Variants in CAPN2 observed in about 807,000 individuals in gnomAD.
CAPN2 encodes calpain 2.
A neutral mutation model predicts 102.3 loss-of-function variants in CAPN2; 92 were observed. The ratio of observed to expected loss-of-function variants is 0.90; its 90% CI spans 0.76 to 1.07. The LOEUF is 1.07. Ranked by LOEUF, CAPN2 falls within the 50% of genes least tolerant of loss-of-function variation. The probability of loss-of-function intolerance (pLI) is 0.00; values close to 1 mark genes in which losing one functional copy is unlikely to be tolerated. For synonymous variants in CAPN2, 340 were observed against 355.4 expected (o/e 0.96, Z 0.49); for missense variants, 800 against 909.4 (o/e 0.88, Z 1.55).
intron 5 of CAPN2, among the ~76,000 whole-genome samples, chr1:223,748,259 A>G (rs531275878): frequency 6.6e-6 from 1 of 152,220 alleles, no homozygotes; most frequent in South Asian, 2.1e-4. Context: ...GCTGTGCCCA[A>G]CCTCTGAGCC....
rs1370371120 is a variant in CAPN2 at position 223,757,360 on chromosome 1, AT to A, written c.1306-5del. 2.5e-6 allele frequency: 4 copies of A among 1,614,086 alleles called. No individual in the cohort carries two copies. Among genetic ancestry groups the A allele is most frequent in the Middle Eastern group, 1.6e-4 (1 of 6,062 alleles). The stretch of plus-strand genomic sequence containing the variant: ...CCGGCATCTGAATTGCATCTCCTTT[AT>A]TTTGCAGGTTCCAGAGGAGGTACGT... On this transcript the variant is annotated splice_polypyrimidine_tract_variant and splice_region_variant and intron_variant, in intron 10 of 20. Coordinates refer to ENST00000295006, the MANE Select transcript of CAPN2 (RefSeq NM_001748.5).
At chr1:223,770,218 G>A (rs2102816838) in intron 17 of CAPN2, 1 of 588,308 alleles carries the variant, frequency 1.7e-6, no homozygotes, top group African/African-American at 1.9e-5. Context: ...ACAAGAACAT[G>A]GACCTATGGG....
chr1:223,734,243 T>C (rs987162804), intron 2 of CAPN2, among the ~76,000 whole-genome samples: 3 of 151,792 alleles, frequency 2.0e-5, no homozygotes, highest in African/African-American at 7.3e-5. Flanking sequence ...CAAATGCTTT[T>C]GTATCTACAC....
intron 1 of CAPN2, among the ~76,000 whole-genome samples, chr1:223,716,190 G>A (rs974695154): frequency 2.6e-5 from 4 of 152,334 alleles, no homozygotes; most frequent in Non-Finnish European, 5.9e-5. Context: ...CTGAAGCATC[G>A]CTTAGATGCT....
chr1:223,766,849 A>G lies in CAPN2; in HGVS notation c.1755+418A>G, dbSNP rs186163282. Among the ~76,000 whole-genome samples the G allele has an allele frequency of 3.9e-3, 586 of 152,142 alleles. 1 individual carries two copies. The highest frequency in any genetic ancestry group is 4.8e-3 in the Non-Finnish European group (329 of 67,996). ...GTGGCGGGCACCTGTAATCCCAGCTACTCAGGAGGCTGAGGCAGGAGAATC... is the reference window on the plus strand; with the variant it reads ...GTGGCGGGCACCTGTAATCCCAGCTGCTCAGGAGGCTGAGGCAGGAGAATC... On this transcript the variant is annotated intron_variant, in intron 16 of 20. Transcript: ENST00000295006.
chr1:223,724,805 C>T (rs72749516), intron 2 of CAPN2, among the ~76,000 whole-genome samples: 2,423 of 151,612 alleles, frequency 0.016, 25 homozygotes, highest in Non-Finnish European at 0.025. Flanking sequence ...CCCATTTCCA[C>T]AAAAAAAAAT....
Position 223,759,294 on chromosome 1 carries a change from C to G in CAPN2, c.1342C>G (p.Leu448Val). ...EELSGQTNIH[L>V]SKNFFLTNRA... ...GTTAAGTGGGCAGACCAACATCCAC[C>G]TCAGCAAAAACTTCTTCCTGACGAA... Residue 448 changes from leucine to valine, a missense_variant, in exon 12 of 21, where the codon CTC becomes GTC. Physicochemically the swap from Leu to Val is conservative, Grantham distance 32 (BLOSUM62 1). Coordinates refer to ENST00000295006, the MANE Select transcript of CAPN2 (RefSeq NM_001748.5). This position sits in a 1 kb window ranked among gnomAD's most constrained non-coding sequence, Gnocchi z 4.6. 6.2e-7 allele frequency: 1 copy of G among 1,614,204 alleles called. No individual in the cohort carries two copies. The highest frequency in any genetic ancestry group is 8.5e-7 in the Non-Finnish European group (1 of 1,180,036).
At chr1:223,729,701 A>G (rs559236711) in intron 2 of CAPN2, among the ~76,000 whole-genome samples, 46 of 152,284 alleles carry the variant, frequency 3.0e-4, no homozygotes, top group African/African-American at 1.1e-3. Context: ...TTAAGTTACT[A>G]TCTAAAGACC....
Position 223,759,625 on chromosome 1 carries a change from G to A in CAPN2, c.1529+144G>A. The stretch of plus-strand genomic sequence containing the variant: ...TGCCCACCTCGAAGGACTAGTGTGG[G>A]GATTTGATGGATTGAGGAAGTTCTA... On this transcript the variant is annotated intron_variant, in intron 12 of 20. Coordinates refer to ENST00000295006, the MANE Select transcript of CAPN2 (RefSeq NM_001748.5). This position sits in a 1 kb window ranked among gnomAD's most constrained non-coding sequence, Gnocchi z 4.6. The A allele has an allele frequency of 1.6e-6, 1 of 639,722 alleles. No homozygotes were observed. 39.6% of individuals were successfully genotyped at this position (639,722 alleles called of 1,614,324 possible). A position where few individuals can be genotyped will look rare whatever the true frequency, so the allele number is the denominator to read the frequency against.
chr1:223,720,301 TTC>T (rs1660017732), intron 2 of CAPN2, among the ~76,000 whole-genome samples: 1 of 133,058 alleles, frequency 7.5e-6, no homozygotes, highest in Non-Finnish European at 1.5e-5. Context: ...CATCCTTATT[TTC>T]TCTCTTTCTC....
At chr1:223,704,684 A>G (rs1208113666) in intron 1 of CAPN2, among the ~76,000 whole-genome samples, 2 of 152,182 alleles carry the variant, frequency 1.3e-5, no homozygotes, top group African/African-American at 4.8e-5. Flanking sequence ...TCGGCCCTGC[A>G]ATAAGGTGGG....
At position 223,746,619 on chromosome 1, in the gene CAPN2, A is replaced by C. The variant is rs561228436; in HGVS notation, c.561-378A>C. Among the ~76,000 whole-genome samples, 27 of 151,994 alleles carry C rather than the reference A, an allele frequency of 1.8e-4. No individual in the cohort carries two copies. In the East Asian group the frequency reaches 5.0e-3, roughly 28 times the overall value. ...CAGCCTCCCAAGTAGCTGGGACTACAGGCATGCACCACCATGCCCAGCTAA... is the reference window on the plus strand; with the variant it reads ...CAGCCTCCCAAGTAGCTGGGACTACCGGCATGCACCACCATGCCCAGCTAA... On this transcript the variant is annotated intron_variant, in intron 4 of 20. Coordinates refer to ENST00000295006, the MANE Select transcript of CAPN2 (RefSeq NM_001748.5).
chr1:223,742,779 C>G (rs1660657134), intron 2 of CAPN2, among the ~76,000 whole-genome samples: 2 of 152,088 alleles, frequency 1.3e-5, no homozygotes, highest in Non-Finnish European at 2.9e-5. Context: ...CCTTGGCCTC[C>G]CAAAGTGTTG....
chr1:223,722,875 A>G (rs1474018773), intron 2 of CAPN2, among the ~76,000 whole-genome samples: 1 of 152,144 alleles, frequency 6.6e-6, no homozygotes, highest in South Asian at 2.1e-4. Context: ...CCGGGATCCC[A>G]TCCAGGACCC....
At chr1:223,743,139 C>A (rs774648509) in intron 2 of CAPN2, among the ~76,000 whole-genome samples, 1 of 152,188 alleles carries the variant, frequency 6.6e-6, no homozygotes, top group Non-Finnish European at 1.5e-5. Context: ...AGTGCTTACA[C>A]ACCTGCTCTC....
chr1:223,764,073 A>G (rs751535175), intron 14 of CAPN2, 77 bp from the exon 15 acceptor site: 29 of 1,137,312 alleles, frequency 2.5e-5, no homozygotes, highest in Non-Finnish European at 3.9e-5. Flanking sequence ...GGCCTACCTA[A>G]TGCACTGGTG....
chr1:223,758,582 G>A (rs951998546), intron 11 of CAPN2: 1 of 152,752 alleles, frequency 6.5e-6, no homozygotes, highest in Non-Finnish European at 1.5e-5. Flanking sequence ...GAACACTGTG[G>A]AAAGACTGGG....
At chr1:223,712,034 C>T (rs77566879), upstream of CAPN2, among the ~76,000 whole-genome samples, 2,307 of 152,236 alleles carry the variant, frequency 0.015, 61 homozygotes, top group African/African-American at 0.052. Context: ...ACATTGGGGA[C>T]GTCATTTAGC....
chr1:223,738,873 C>T (rs989637801), intron 2 of CAPN2, among the ~76,000 whole-genome samples: 2 of 152,256 alleles, frequency 1.3e-5, no homozygotes, highest in Non-Finnish European at 2.9e-5. Context: ...GACACAGCCA[C>T]ATGGAGCCGA....
Sources: allele counts gnomAD v4.1 joint callset (sites outside exome capture counted in the v4.1 genomes callset), GRCh38; gene constraint gnomAD v4.1.1; non-coding constraint Gnocchi (gnomAD v3.1); transcripts MANE v1.5; gene names NCBI Gene and HGNC (gene_info 2026-07-23, HGNC 2026-07-21).